Variants in KLHL32 observed in about 807,000 individuals in gnomAD.
KLHL32 encodes kelch like family member 32.
A neutral mutation model predicts 64.8 loss-of-function variants in KLHL32; 35 were observed. The observed-to-expected ratio is 0.54, with a 90% confidence interval of 0.41 to 0.72. The LOEUF (loss-of-function observed/expected upper bound fraction) is 0.72. Ranked by LOEUF, KLHL32 falls within the 30% of genes least tolerant of loss-of-function variation. The pLI is 0.00. For synonymous variants in KLHL32, 259 were observed against 281.0 expected, an observed-to-expected ratio of 0.92 and a Z score of 0.78; for missense variants, 589 against 768.5, an observed-to-expected ratio of 0.77 and a Z score of 2.76.
chr6:97,031,046 A>G (rs1783465149), intron 3 of KLHL32, among the ~76,000 whole-genome samples: 1 of 152,190 alleles, frequency 6.6e-6, no homozygotes, highest in Admixed American at 6.5e-5. Context: ...TAAAAATATT[A>G]CTGCTGGTCT....
intron 3 of KLHL32, among the ~76,000 whole-genome samples, chr6:96,992,152 G>A (rs1777953609): frequency 6.6e-6 from 1 of 152,230 alleles, no homozygotes; most frequent in Non-Finnish European, 1.5e-5. Context: ...CCATCCTGGT[G>A]GGCCTGTGCG....
chr6:97,093,223 A>G (rs1794514515), intron 6 of KLHL32, among the ~76,000 whole-genome samples: 1 of 152,180 alleles, frequency 6.6e-6, no homozygotes, highest in Non-Finnish European at 1.5e-5. Context: ...TGAGGTAGAA[A>G]CCCTGAGGCT....
chr6:97,106,598 C>A (rs113158674), intron 6 of KLHL32, among the ~76,000 whole-genome samples: 334 of 152,102 alleles, frequency 2.2e-3, no homozygotes, highest in Non-Finnish European at 3.0e-3. Context: ...CAAAAAATAG[C>A]TGGGTGGTAA....
At chr6:97,063,207 G>C (rs1197436219) in intron 4 of KLHL32, among the ~76,000 whole-genome samples, 2 of 152,198 alleles carry the variant, frequency 1.3e-5, no homozygotes, top group African/African-American at 4.8e-5. Flanking sequence ...GTTAAGTTTA[G>C]GAAGAGGAAT....
intron 10 of KLHL32, among the ~76,000 whole-genome samples, chr6:97,133,373 CAT>C (rs1412025636): frequency 6.6e-6 from 1 of 152,130 alleles, no homozygotes; most frequent in East Asian, 1.9e-4. Flanking sequence ...CAGTTATTAC[CAT>C]AGTTTTCTCT....
At chr6:97,111,452 T>C (rs1797126821) in intron 6 of KLHL32, among the ~76,000 whole-genome samples, 1 of 152,142 alleles carries the variant, frequency 6.6e-6, no homozygotes, top group Non-Finnish European at 1.5e-5. Flanking sequence ...AGAGGTAAAC[T>C]TCACTCACTC....
intron 4 of KLHL32, among the ~76,000 whole-genome samples, chr6:97,057,341 G>A (rs1198920720): frequency 7.8e-6 from 1 of 127,472 alleles, no homozygotes; most frequent in Non-Finnish European, 1.6e-5. Flanking sequence ...GCGCCACCAT[G>A]CCCGGCTAAT....
At chr6:96,944,533 G>C (rs2128002711) in intron 1 of KLHL32, among the ~76,000 whole-genome samples, 1 of 152,288 alleles carries the variant, frequency 6.6e-6, no homozygotes, top group East Asian at 1.9e-4. Flanking sequence ...GGTTTTATGA[G>C]TTTGATGATG....
intron 5 of KLHL32, among the ~76,000 whole-genome samples, chr6:97,083,486 T>C (rs996781811): frequency 6.6e-6 from 1 of 152,082 alleles, no homozygotes; most frequent in Non-Finnish European, 1.5e-5. Context: ...TTGAGCCGAG[T>C]CTGCCTGCCT....
rs888501647 is a variant in KLHL32 at position 97,004,668 on chromosome 6, GT to G, written c.204+28499del. ...GTTCCTTCAGTGCCTAGTTTATTGA[GT>G]TTTTTTTAACATGAAGGGATATTTA... is the stretch of plus-strand genomic sequence containing the variant. On this transcript the variant is annotated intron_variant, in intron 3 of 10. Transcript: ENST00000369261. Among the ~76,000 whole-genome samples the G allele has an allele frequency of 3.3e-5, 5 of 151,926 alleles. No homozygotes were observed. The East Asian group carries it at 5.8e-4, about 18-fold the overall frequency.
intron 3 of KLHL32, among the ~76,000 whole-genome samples, chr6:96,976,581 A>G (rs947422264): frequency 6.6e-6 from 1 of 152,090 alleles, no homozygotes; most frequent in Non-Finnish European, 1.5e-5. Flanking sequence ...GGATATATAT[A>G]TATATTTTTG....
chr6:97,039,842 C>CAAACA (rs1255328808), intron 3 of KLHL32, among the ~76,000 whole-genome samples: 1 of 151,204 alleles, frequency 6.6e-6, no homozygotes, highest in Non-Finnish European at 1.5e-5. Context: ...AACAAACAAA[C>CAAACA]AAAAAACAAA....
At chr6:96,980,053 G>GCTCCT (rs1776132095) in intron 3 of KLHL32, among the ~76,000 whole-genome samples, 1 of 152,142 alleles carries the variant, frequency 6.6e-6, no homozygotes, top group Admixed American at 6.6e-5. Flanking sequence ...AGATTTAGGA[G>GCTCCT]ATATGGGGCA....
At chr6:96,976,685 G>A (rs552778616) in intron 3 of KLHL32, among the ~76,000 whole-genome samples, 1 of 152,184 alleles carries the variant, frequency 6.6e-6, no homozygotes, top group African/African-American at 2.4e-5. Flanking sequence ...TGCAACCTCT[G>A]CTTCCTGGGT....
At chr6:97,047,753 C>T (rs903162471) in intron 4 of KLHL32, among the ~76,000 whole-genome samples, 7 of 152,136 alleles carry the variant, frequency 4.6e-5, no homozygotes, top group African/African-American at 1.7e-4. Flanking sequence ...CACCCAGGAG[C>T]AGGCAGGTGT....
At chr6:97,051,202 G>A (rs1446667492) in intron 4 of KLHL32, among the ~76,000 whole-genome samples, 2 of 152,168 alleles carry the variant, frequency 1.3e-5, no homozygotes, top group South Asian at 2.1e-4. Flanking sequence ...ACAAGGATGA[G>A]TGTGGCCCCT....
chr6:97,089,992 T>G (rs990548654), intron 6 of KLHL32, among the ~76,000 whole-genome samples: 16 of 152,128 alleles, frequency 1.1e-4, no homozygotes, highest in Admixed American at 7.2e-4. Flanking sequence ...AGTAATTGCA[T>G]AAACCCAAGT....
chr6:96,904,729 C>A, the KLHL32 span, among the ~76,000 whole-genome samples: 1 of 152,084 alleles, frequency 6.6e-6, no homozygotes, highest in African/African-American at 2.4e-5. Context: ...AGGACTTACC[C>A]TATATCAGAA....
At chr6:97,056,557 C>G (rs2128142588) in intron 4 of KLHL32, among the ~76,000 whole-genome samples, 1 of 152,270 alleles carries the variant, frequency 6.6e-6, no homozygotes, top group East Asian at 1.9e-4. Flanking sequence ...GCTTCAGAAC[C>G]CTCCTGTTTA....
Sources: allele counts gnomAD v4.1 joint callset (sites outside exome capture counted in the v4.1 genomes callset), GRCh38; gene constraint gnomAD v4.1.1; transcripts MANE v1.5; gene names NCBI Gene and HGNC (gene_info 2026-07-23, HGNC 2026-07-21).